Variants in PCCA observed in about 807,000 individuals in gnomAD.
PCCA encodes the protein propionyl-CoA carboxylase alpha chain, mitochondrial.
In PCCA, 74 loss-of-function variants were observed where a neutral mutation model predicts 101.3. The observed-to-expected ratio is 0.73, with a 90% CI of 0.61 to 0.89. PCCA has a LOEUF of 0.89. PCCA is among the 40% of genes least tolerant of loss of function. The pLI, the probability that PCCA is intolerant of heterozygous loss-of-function variation, is 0.00. For synonymous variants in PCCA, 294 were observed against 313.6 expected (o/e 0.94, Z 0.66); for missense variants, 891 against 907.0 (o/e 0.98, Z 0.23).
intron 1 of PCCA, among the ~76,000 whole-genome samples, chr13:100,100,039 G>GTTTT (rs1159776267): frequency 1.3e-5 from 2 of 152,100 alleles, no homozygotes; most frequent in Non-Finnish European, 2.9e-5. Flanking sequence ...TTTGGATTTA[G>GTTTT]TTTTCATGTA....
At chr13:100,446,904 G>A (rs1034027796) in intron 20 of PCCA, among the ~76,000 whole-genome samples, 4 of 152,134 alleles carry the variant, frequency 2.6e-5, no homozygotes, top group South Asian at 4.1e-4. Context: ...TAAACTGTAA[G>A]CGTTTTTCAT....
At chr13:100,377,259 A>G (rs2152823468) in intron 19 of PCCA, among the ~76,000 whole-genome samples, 1 of 152,252 alleles carries the variant, frequency 6.6e-6, no homozygotes, top group Non-Finnish European at 1.5e-5. Context: ...CTGTTTGGCC[A>G]TCTTGCCAGC....
chr13:100,426,944 G>A (rs919162732), intron 20 of PCCA, among the ~76,000 whole-genome samples: 19 of 152,282 alleles, frequency 1.2e-4, no homozygotes, highest in African/African-American at 4.1e-4. Flanking sequence ...GTCTGGGCAC[G>A]GTGGCTCACG....
At chr13:100,260,855 A>C (rs982849082) in intron 9 of PCCA, among the ~76,000 whole-genome samples, 1 of 152,122 alleles carries the variant, frequency 6.6e-6, no homozygotes. Context: ...GTCATCGCCA[A>C]AACTAGAAGC....
intron 21 of PCCA, among the ~76,000 whole-genome samples, chr13:100,452,342 C>T (rs912093259): frequency 6.6e-6 from 1 of 152,010 alleles, no homozygotes; most frequent in Non-Finnish European, 1.5e-5. Context: ...CAGTAGCTGG[C>T]GTCCACCTCA....
intron 4 of PCCA, among the ~76,000 whole-genome samples, chr13:100,119,406 C>G (rs2049142438): frequency 1.3e-5 from 2 of 152,072 alleles, no homozygotes; most frequent in South Asian, 4.2e-4. Flanking sequence ...ATGGATTTGG[C>G]CAGGTAGGAT....
rs575226879 is a variant in PCCA, at chr13:100,416,083, C to T, written c.1747-9550C>T. Reference sequence around the variant, plus strand: ...ACTCATGGAAAATGTTCCACTTCAGCGTTATTTGTACCACAAATGCAGTGA... The same window carrying T: ...ACTCATGGAAAATGTTCCACTTCAGTGTTATTTGTACCACAAATGCAGTGA... On this transcript the variant is annotated intron_variant, in intron 19 of 23. Transcript: ENST00000376285. Among the ~76,000 whole-genome samples the T allele has an allele frequency of 3.9e-5, 6 of 152,170 alleles. No individual in the cohort carries two copies. The East Asian group carries it at 5.8e-4, about 15-fold the overall frequency.
chr13:100,097,118 A>G (rs538674575), intron 1 of PCCA, among the ~76,000 whole-genome samples: 2 of 152,152 alleles, frequency 1.3e-5, no homozygotes, highest in Non-Finnish European at 2.9e-5. Context: ...GAAAGGAAGG[A>G]ATTAAGAGTG....
intron 4 of PCCA, among the ~76,000 whole-genome samples, chr13:100,137,863 G>A (rs1353771135): frequency 6.7e-6 from 1 of 149,900 alleles, no homozygotes; most frequent in Admixed American, 6.7e-5. Flanking sequence ...AGGCTGGAGT[G>A]CAGTGGCGCG....
chr13:100,152,358 CTTT>C (rs5806152), intron 4 of PCCA, among the ~76,000 whole-genome samples: 8 of 138,462 alleles, frequency 5.8e-5, no homozygotes, highest in Admixed American at 1.4e-4. Flanking sequence ...TTGGAGCACT[CTTT>C]TTTTTTTTTT....
intron 7 of PCCA, among the ~76,000 whole-genome samples, chr13:100,230,866 C>T (rs1427736758): frequency 1.3e-5 from 2 of 152,122 alleles, no homozygotes; most frequent in African/African-American, 2.4e-5. Flanking sequence ...CAGTGCACAT[C>T]ATAAGTAAGC....
At chr13:100,494,075 G>A (rs1204199973) in intron 21 of PCCA, among the ~76,000 whole-genome samples, 2 of 152,082 alleles carry the variant, frequency 1.3e-5, no homozygotes, top group Admixed American at 1.3e-4. Context: ...TGTAATCCCA[G>A]CTACTCAGGA....
intron 6 of PCCA, among the ~76,000 whole-genome samples, chr13:100,189,360 T>C (rs1566667890): frequency 6.6e-6 from 1 of 152,342 alleles, no homozygotes; most frequent in Admixed American, 6.5e-5. Context: ...CGTGTGCATG[T>C]GTGTTTATCG....
intron 4 of PCCA, among the ~76,000 whole-genome samples, chr13:100,132,838 A>G (rs761539348): frequency 9.2e-5 from 14 of 151,960 alleles, no homozygotes; most frequent in Admixed American, 2.6e-4. Flanking sequence ...TAGTGGCACC[A>G]TCTTGGCTCA....
chr13:100,277,732 T>C (rs1244117610), intron 12 of PCCA, among the ~76,000 whole-genome samples: 1 of 152,186 alleles, frequency 6.6e-6, no homozygotes, highest in East Asian at 1.9e-4. Flanking sequence ...AGTCTGGGAA[T>C]AGGCTTTTTA....
chr13:100,456,760 G>A lies in PCCA; in HGVS notation c.1899+7455G>A, dbSNP rs148305082. The stretch of plus-strand genomic sequence containing the variant: ...TTTCTTCTACCGCTATCTACTACGA[G>A]CTTCAAAGAGGAACCAGGAGTTACG... On this transcript the variant is annotated intron_variant, in intron 21 of 23. Transcript: ENST00000376285. 3.1e-3 allele frequency among the ~76,000 whole-genome samples: 470 copies of A among 152,264 alleles called. 6 individuals are homozygous for A. The highest frequency in any genetic ancestry group is 7.2e-3 in the African/African-American group (297 of 41,530).
intron 4 of PCCA, among the ~76,000 whole-genome samples, chr13:100,116,264 G>A (rs192693962): frequency 7.2e-4 from 109 of 152,264 alleles, no homozygotes; most frequent in African/African-American, 2.4e-3. Flanking sequence ...GGCTTTGTAT[G>A]TTAATTTCAC....
chr13:100,524,752 T>A (rs1487880068), intron 22 of PCCA, among the ~76,000 whole-genome samples: 1 of 151,986 alleles, frequency 6.6e-6, no homozygotes, highest in Non-Finnish European at 1.5e-5. Flanking sequence ...CACACCTGTA[T>A]TCCCAGCTAC....
At chr13:100,249,583 T>C (rs1479925558) in intron 8 of PCCA, among the ~76,000 whole-genome samples, 2 of 152,188 alleles carry the variant, frequency 1.3e-5, no homozygotes, top group Non-Finnish European at 2.9e-5. Context: ...CCATATAAAC[T>C]TTAGAATCAG....
Sources: allele counts gnomAD v4.1 joint callset (sites outside exome capture counted in the v4.1 genomes callset), GRCh38; gene constraint gnomAD v4.1.1; transcripts MANE v1.5; gene names NCBI Gene and HGNC (gene_info 2026-07-23, HGNC 2026-07-21).